Variants in EPHB2 observed in about 807,000 individuals in gnomAD.
EPHB2 encodes ephrin type-B receptor 2.
Under a neutral mutation model 96.4 loss-of-function variants are expected in EPHB2, and 18 were observed. The ratio of observed to expected loss-of-function variants is 0.19; its 90% CI spans 0.13 to 0.28. EPHB2 has a LOEUF of 0.28. EPHB2 is among the 10% of genes least tolerant of loss of function. EPHB2 has a pLI of 1.00. For missense variants in EPHB2, 989 were observed against 1,355.4 expected (o/e 0.73, Z 4.25); for synonymous variants, 506 against 534.1 (o/e 0.95, Z 0.72).
At position 22,907,973 on chromosome 1, in the gene EPHB2, A is replaced by C. The variant is rs1367846514; in HGVS notation, c.2157A>C (p.Thr719=). Residue 719 remains threonine (T), a synonymous_variant, in exon 12 of 16, where the codon ACA becomes ACC. Coordinates refer to ENST00000374630, the MANE Select transcript of EPHB2 (RefSeq NM_017449.5). ...SFLRQNDGQF[T]VIQLVGMLRG... is the part of the protein sequence containing the mutation. ...CAAAGCAAAACGATGGGCAGTTCAC[A>C]GTCATCCAGCTGGTGGGCATGCTTC... The C allele has an allele frequency of 5.0e-6, 8 of 1,614,254 alleles. No homozygotes were observed. Among genetic ancestry groups the C allele is most frequent in the Non-Finnish European group, 6.8e-6 (8 of 1,180,048 alleles).
At chr1:22,721,770 C>T (rs1340328966) in intron 1 of EPHB2, among the ~76,000 whole-genome samples, 4 of 151,552 alleles carry the variant, frequency 2.6e-5, no homozygotes, top group East Asian at 1.9e-4. Context: ...CACCTGCCAC[C>T]GCATCCAGCA....
intron 1 of EPHB2, among the ~76,000 whole-genome samples, chr1:22,718,379 C>CTTT (rs5773014): frequency 8.8e-4 from 72 of 81,476 alleles, no homozygotes; most frequent in African/African-American, 1.8e-3. Context: ...GCTGTCAATT[C>CTTT]TTTTTTTTTT....
At chr1:22,855,373 C>T (rs1424731707) in intron 3 of EPHB2, among the ~76,000 whole-genome samples, 1 of 152,220 alleles carries the variant, frequency 6.6e-6, no homozygotes, top group Non-Finnish European at 1.5e-5. Flanking sequence ...CCACTGCTGA[C>T]CCCAGAACCC....
chr1:22,884,314 T>C (rs908770135), intron 6 of EPHB2, among the ~76,000 whole-genome samples: 25 of 151,672 alleles, frequency 1.6e-4, no homozygotes, highest in African/African-American at 6.1e-4. Flanking sequence ...GAGACCAGCC[T>C]GGCCAACATA....
intron 12 of EPHB2, 145 bp from the exon 13 acceptor site, chr1:22,908,877 T>G: frequency 7.7e-7 from 1 of 1,294,286 alleles, no homozygotes; most frequent in Admixed American, 2.0e-5. Flanking sequence ...AAATGCCCAG[T>G]GGTCTGAAGC....
intron 1 of EPHB2, among the ~76,000 whole-genome samples, chr1:22,730,317 C>G (rs1353923368): frequency 3.0e-4 from 45 of 152,216 alleles, no homozygotes; most frequent in Non-Finnish European, 2.9e-5. Flanking sequence ...GGTGGCCCTT[C>G]CCCCACTTCT....
chr1:22,860,615 C>A lies in EPHB2; in HGVS notation c.812-2422C>A, dbSNP rs925706947. 6.6e-6 allele frequency among the ~76,000 whole-genome samples: 1 copy of A among 151,974 alleles called. No individual in the cohort carries two copies. The highest frequency in any genetic ancestry group is 1.5e-5 in the Non-Finnish European group (1 of 67,970). On this transcript the variant is annotated intron_variant, in intron 3 of 15. Coordinates refer to ENST00000374630, the MANE Select transcript of EPHB2 (RefSeq NM_017449.5). This position sits in a 1 kb window ranked among gnomAD's most constrained non-coding sequence, Gnocchi z 4.6. ...GAGAGAGCAGCCACCCACTGGCGGC[C>A]CCCCCGGGAATGCCCCGCAGATGGA...
In EPHB2 at chr1:22,865,021, C is replaced by T; in HGVS notation, c.1112C>T (p.Ala371Val). The T allele has an allele frequency of 1.2e-6, 2 of 1,612,614 alleles. No homozygotes were observed. The highest frequency in any genetic ancestry group is 1.1e-5 in the South Asian group (1 of 91,040). The change falls in exon 5 of 16, where the codon GCC becomes GTC. Residue 371 changes from alanine to valine, a missense_variant. Physicochemically the swap from Ala to Val is moderately conservative, Grantham distance 64 (BLOSUM62 0). Transcript: ENST00000374630. ...AAGAGCTGTGGCTCGGGCCGGGGTG[C>T]CTGCACCCGCTGCGGGGACAATGTA... Reference protein sequence around the residue: ...ICKSCGSGRGACTRCGDNVQY... With the variant: ...ICKSCGSGRGVCTRCGDNVQY...
At chr1:22,828,154 G>T (rs1042546698) in intron 3 of EPHB2, among the ~76,000 whole-genome samples, 1 of 152,222 alleles carries the variant, frequency 6.6e-6, no homozygotes, top group African/African-American at 2.4e-5. Flanking sequence ...TTCTCTCTGG[G>T]TTGAGCCAGC....
At chr1:22,770,506 C>A (rs1238399743) in intron 1 of EPHB2, among the ~76,000 whole-genome samples, 1 of 152,202 alleles carries the variant, frequency 6.6e-6, no homozygotes, top group Non-Finnish European at 1.5e-5. Flanking sequence ...CTTGGACTTA[C>A]AGTGGCCTGT....
intron 3 of EPHB2, among the ~76,000 whole-genome samples, chr1:22,785,876 A>C (rs10799762): frequency 0.13 from 20,137 of 152,262 alleles, 2,039 homozygotes; most frequent in East Asian, 0.59. Context: ...CCTGTGACAG[A>C]AAGTACTGTT....
chr1:22,753,378 A>G (rs771042539), intron 1 of EPHB2, among the ~76,000 whole-genome samples: 1 of 152,162 alleles, frequency 6.6e-6, no homozygotes, highest in Non-Finnish European at 1.5e-5. Context: ...TGGACACTTA[A>G]ATGATGGCTC....
At chr1:22,829,167 G>A (rs545166526) in intron 3 of EPHB2, among the ~76,000 whole-genome samples, 8 of 152,394 alleles carry the variant, frequency 5.2e-5, no homozygotes, top group South Asian at 2.1e-4. Context: ...TCCTCAGAGC[G>A]CTGGTGAAGT....
chr1:22,836,916 C>T (rs1364875952), intron 3 of EPHB2: 2 of 152,314 alleles, frequency 1.3e-5, no homozygotes, highest in Admixed American at 1.3e-4. Flanking sequence ...GTAGACAGCC[C>T]AGGGCCCTGG....
intron 3 of EPHB2, among the ~76,000 whole-genome samples, chr1:22,799,444 G>A (rs1006736631): frequency 6.6e-5 from 10 of 152,104 alleles, no homozygotes; most frequent in African/African-American, 1.2e-4. Flanking sequence ...AGCCTTGATC[G>A]CCTCATCTCT....
At chr1:22,773,509 C>T (rs992163874) in intron 1 of EPHB2, among the ~76,000 whole-genome samples, 1 of 152,240 alleles carries the variant, frequency 6.6e-6, no homozygotes, top group East Asian at 1.9e-4. Context: ...GGCCACTGGT[C>T]AGTCTGTAGG....
At chr1:22,731,710 C>T (rs560921778) in intron 1 of EPHB2, among the ~76,000 whole-genome samples, 43 of 152,188 alleles carry the variant, frequency 2.8e-4, no homozygotes, top group African/African-American at 8.2e-4. Context: ...CGTGGTGGCG[C>T]GCATCTGTAA....
chr1:22,743,289 C>T (rs1051409054), intron 1 of EPHB2, among the ~76,000 whole-genome samples: 15 of 152,126 alleles, frequency 9.9e-5, no homozygotes, highest in Non-Finnish European at 2.1e-4. Flanking sequence ...CTTGGTGATG[C>T]CGCCCGTACA....
intron 3 of EPHB2, among the ~76,000 whole-genome samples, chr1:22,803,902 A>G (rs1644886512): frequency 8.2e-6 from 1 of 121,518 alleles, no homozygotes; most frequent in Non-Finnish European, 1.8e-5. Flanking sequence ...CAACAGAGTG[A>G]GACCCTGTCT....
Sources: allele counts gnomAD v4.1 joint callset (sites outside exome capture counted in the v4.1 genomes callset), GRCh38; gene constraint gnomAD v4.1.1; non-coding constraint Gnocchi (gnomAD v3.1); transcripts MANE v1.5; gene names NCBI Gene and HGNC (gene_info 2026-07-23, HGNC 2026-07-21).